The following NSUN7 variants were observed in gnomAD, a reference collection of about 807,000 sequenced individuals.
The protein encoded by NSUN7 is protein NSUN7.
Under a neutral mutation model 58.5 loss-of-function variants are expected in NSUN7, and 39 were observed. That is an observed-to-expected ratio of 0.67 (90% CI 0.52 to 0.87). The LOEUF (loss-of-function observed/expected upper bound fraction) is 0.87, where lower values mean the gene tolerates loss of function less well. NSUN7 is among the 40% of genes least tolerant of loss of function. The probability of loss-of-function intolerance (pLI) is 0.00; values close to 1 mark genes in which losing one functional copy is unlikely to be tolerated. For missense variants in NSUN7, 765 were observed against 844.1 expected, an observed-to-expected ratio of 0.91 and a Z score of 1.16; for synonymous variants, 278 against 303.7, an observed-to-expected ratio of 0.92 and a Z score of 0.88.
At chr4:40,793,185 TA>T (rs1241625304) in intron 8 of NSUN7, among the ~76,000 whole-genome samples, 1 of 152,158 alleles carries the variant, frequency 6.6e-6, no homozygotes, top group African/African-American at 2.4e-5. Flanking sequence ...CTCACACCTG[TA>T]ATCCCACCAC....
At chr4:40,766,015 T>C (rs1369784337) in intron 4 of NSUN7, among the ~76,000 whole-genome samples, 3 of 152,214 alleles carry the variant, frequency 2.0e-5, no homozygotes, top group African/African-American at 7.2e-5. Context: ...TATACAATCA[T>C]GTCATCTGCA....
At chr4:40,774,188 T>C (rs1742151818) in intron 4 of NSUN7, 77 bp from the exon 5 acceptor site, 2 of 1,264,226 alleles carry the variant, frequency 1.6e-6, no homozygotes, top group South Asian at 1.3e-5. Flanking sequence ...CTAAATGTAA[T>C]TTTTTAGAGT....
intron 4 of NSUN7, among the ~76,000 whole-genome samples, chr4:40,762,137 C>T (rs948701256): frequency 6.6e-6 from 1 of 152,208 alleles, no homozygotes; most frequent in Non-Finnish European, 1.5e-5. Flanking sequence ...CAAGAAGGCC[C>T]TCACCAAATG....
intron 4 of NSUN7, chr4:40,773,208 C>T (rs888358928): frequency 1.3e-5 from 2 of 152,200 alleles, no homozygotes; most frequent in Admixed American, 6.5e-5. Context: ...ATTTTGCACA[C>T]ATGATTGATA....
chr4:40,808,349 C>T lies in NSUN7; in HGVS notation c.1567C>T (p.Arg523Ter), dbSNP rs772380845. 1.3e-5 allele frequency: 21 copies of T among 1,613,652 alleles called. No individual in the cohort carries two copies. Among genetic ancestry groups the T allele is most frequent in the African/African-American group, 4.0e-5 (3 of 74,778 alleles). Residue 523 changes from arginine to a stop codon, truncating the protein, a stop_gained, in exon 12 of 12, where the codon CGA (arginine) becomes TGA (stop). Coordinates refer to ENST00000381782, the MANE Select transcript of NSUN7 (RefSeq NM_024677.6). LOFTEE classifies it low-confidence loss of function (END_TRUNC). The part of the protein sequence containing the change: ...ETVSVNDVLA[R>*]AAAKGLLDGI... ...AGTGTCTGTGAATGATGTTTTGGCCCGAGCTGCAGCCAAGGGTCTGCTGGA... is the reference window on the plus strand; with the variant it reads ...AGTGTCTGTGAATGATGTTTTGGCCTGAGCTGCAGCCAAGGGTCTGCTGGA...
chr4:40,755,283 G>T (rs1466627167), intron 2 of NSUN7, among the ~76,000 whole-genome samples: 7 of 152,138 alleles, frequency 4.6e-5, no homozygotes, highest in Non-Finnish European at 1.0e-4. Context: ...TAGAGACGGG[G>T]TTTCACCATG....
intron 10 of NSUN7, among the ~76,000 whole-genome samples, chr4:40,801,678 A>G (rs887874877): frequency 1.3e-5 from 2 of 152,002 alleles, no homozygotes; most frequent in African/African-American, 2.4e-5. Context: ...TGGGTGGGCC[A>G]TTTGAGCTCA....
rs983330593 is a variant in NSUN7, at chr4:40,775,740, G to T, written c.826-309G>T. The stretch of plus-strand genomic sequence containing the variant: ...AGTAGATGAGTGGGTTTTTGTGAAG[G>T]GGTAAGAATGGGAGTTAAGATAGGA... On this transcript the variant is annotated intron_variant, in intron 6 of 11. Coordinates refer to ENST00000381782, the MANE Select transcript of NSUN7 (RefSeq NM_024677.6). The surrounding 1 kb of genome is among the most constrained non-coding windows in gnomAD (Gnocchi z 4.3). 6.6e-6 allele frequency among the ~76,000 whole-genome samples: 1 copy of T among 152,150 alleles called. No individual in the cohort carries two copies. Among genetic ancestry groups the T allele is most frequent in the Non-Finnish European group, 1.5e-5 (1 of 68,020 alleles).
At chr4:40,783,075 A>G (rs1742653570) in intron 7 of NSUN7, among the ~76,000 whole-genome samples, 1 of 152,232 alleles carries the variant, frequency 6.6e-6, no homozygotes, top group African/African-American at 2.4e-5. Context: ...GAGTCATGAA[A>G]AAGAACAAAG....
At chr4:40,762,869 A>AGATGATCCTTATGAGATCATCTAATGCTT (rs879343855) in intron 4 of NSUN7, among the ~76,000 whole-genome samples, 15,247 of 143,978 alleles carry the variant, frequency 0.11, 1,278 homozygotes, top group Non-Finnish European at 0.14. Flanking sequence ...TCATCTAATT[A>AGATGATCCTTATGAGATCATCTAATGCTT]GATGATCCTT....
In NSUN7 at chr4:40,809,559, G is replaced by A. The variant is rs1391687459; in HGVS notation, c.*620G>A. 6.6e-6 allele frequency: 1 copy of A among 152,158 alleles called. No homozygotes were observed. Among genetic ancestry groups the A allele is most frequent in the Non-Finnish European group, 1.5e-5 (1 of 68,018 alleles). 9.4% of individuals were successfully genotyped at this position (152,158 alleles called of 1,614,324 possible). On this transcript the variant is annotated 3_prime_UTR_variant, in exon 12 of 12. Transcript: ENST00000381782. ...TTACAGTGAGGTGTCTCTCACTGGG[G>A]GAGCTTCCAGGATCCTGAGCAGACT...
intron 7 of NSUN7, among the ~76,000 whole-genome samples, chr4:40,782,236 A>C (rs187333025): frequency 7.7e-4 from 117 of 152,332 alleles, no homozygotes; most frequent in African/African-American, 2.3e-3. Flanking sequence ...CAATAAATTT[A>C]ATACAAGAAG....
At position 40,798,852 on chromosome 4, in the gene NSUN7, G is replaced by C; in HGVS notation, c.1348G>C (p.Val450Leu). 6.2e-7 allele frequency: 1 copy of C among 1,612,520 alleles called. No individual in the cohort carries two copies. The highest frequency in any genetic ancestry group is 1.1e-5 in the South Asian group (1 of 90,960). ...SVFPEENEAVVKKALEFQDLG... is the reference protein window; with the variant it reads ...SVFPEENEAVLKKALEFQDLG... ...TTTTCCAGAAGAAAATGAAGCTGTT[G>C]TTAAGAAAGCACTGGAATTTCAAGA... Residue 450 changes from valine (V) to leucine (L), a missense_variant, in exon 10 of 12, where the codon GTT (valine) becomes CTT (leucine). By Grantham distance (32) the Val-to-Leu change is conservative (BLOSUM62 1). Transcript: ENST00000381782.
In NSUN7 at chr4:40,775,944, C is replaced by A. The variant is rs2465571; in HGVS notation, c.826-105C>A. 0.3 allele frequency: 193,137 copies of A among 643,300 alleles called. 31,201 individuals carry two copies. The highest frequency in any genetic ancestry group is 0.36 in the African/African-American group (19,308 of 53,674). The allele number at this position is 643,300 out of a possible 1,614,324, so 39.8% of individuals were successfully genotyped here. On this transcript the variant is annotated intron_variant, in intron 6 of 11. Coordinates refer to ENST00000381782, the MANE Select transcript of NSUN7 (RefSeq NM_024677.6). The surrounding 1 kb of genome is among the most constrained non-coding windows in gnomAD (Gnocchi z 4.3). The stretch of plus-strand genomic sequence containing the variant: ...ATGTTAAAACTAAAATTGGTTAGGT[C>A]TCTAATATTACTATGAGGTACTTTC...
intron 10 of NSUN7, among the ~76,000 whole-genome samples, chr4:40,803,594 G>GTA (rs1743696406): frequency 2.0e-5 from 3 of 152,158 alleles, no homozygotes; most frequent in Admixed American, 1.3e-4. Flanking sequence ...TATACATCAA[G>GTA]TATAGGTAAC....
At chr4:40,793,841 T>C (rs530666940) in intron 8 of NSUN7, among the ~76,000 whole-genome samples, 19 of 152,336 alleles carry the variant, frequency 1.2e-4, no homozygotes, top group African/African-American at 3.8e-4. Flanking sequence ...TCAATACATA[T>C]ATTTAAATTA....
Position 40,776,051 on chromosome 4 carries a change from C to A in NSUN7, c.828C>A (p.Asp276Glu). The A allele has an allele frequency of 6.3e-7, 1 of 1,588,234 alleles. No homozygotes were observed. The highest frequency in any genetic ancestry group is 8.6e-7 in the Non-Finnish European group (1 of 1,164,164). ...LFKDYKLIFQ[D>E]KSRSLAVHSV... Reference sequence around the variant, plus strand: ...CTAATCATACCATTATCTTACAGGACAAATCTCGAAGTCTTGCTGTCCATT... The same window carrying A: ...CTAATCATACCATTATCTTACAGGAAAAATCTCGAAGTCTTGCTGTCCATT... Residue 276 changes from aspartate (D) to glutamate (E), a missense_variant and splice_region_variant, in exon 7 of 12, where the codon GAC becomes GAA. Physicochemically the swap from Asp to Glu is conservative, Grantham distance 45. Coordinates refer to ENST00000381782, the MANE Select transcript of NSUN7 (RefSeq NM_024677.6).
intron 7 of NSUN7, among the ~76,000 whole-genome samples, chr4:40,785,791 ATGT>A (rs1449256597): frequency 6.6e-6 from 1 of 152,270 alleles, no homozygotes; most frequent in Non-Finnish European, 1.5e-5. Flanking sequence ...CTAAGAGGGA[ATGT>A]TGTAGGCTAA....
At chr4:40,786,442 G>A in intron 7 of NSUN7, 1 of 1,612,050 alleles carries the variant, frequency 6.2e-7, no homozygotes, top group Non-Finnish European at 8.5e-7. Context: ...GATGGAAGAA[G>A]CCAAAACTGA....
Sources: allele counts gnomAD v4.1 joint callset (sites outside exome capture counted in the v4.1 genomes callset), GRCh38; gene constraint gnomAD v4.1.1; non-coding constraint Gnocchi (gnomAD v3.1); transcripts MANE v1.5; gene names NCBI Gene and HGNC (gene_info 2026-07-23, HGNC 2026-07-21).